MYO18B: variants seen among roughly 807,000 people sequenced by gnomAD.
MYO18B encodes the protein unconventional myosin-XVIIIb.
In MYO18B, 204 loss-of-function variants were observed where a neutral mutation model predicts 273.0. The observed-to-expected ratio is 0.75, with a 90% CI of 0.67 to 0.84. The LOEUF is 0.84. Ranked by LOEUF, MYO18B falls within the 40% of genes least tolerant of loss-of-function variation. The pLI is 0.00. For missense variants in MYO18B, 3,212 were observed against 3,287.6 expected (o/e 0.98, Z 0.56); for synonymous variants, 1,330 against 1,305.7 (o/e 1.02, Z -0.40).
intron 39 of MYO18B, among the ~76,000 whole-genome samples, chr22:25,968,831 G>C (rs1009798276): frequency 2.0e-5 from 3 of 152,102 alleles, no homozygotes; most frequent in Non-Finnish European, 1.5e-5. Context: ...AGCTCTTTCT[G>C]CTGAGACCCC....
intron 25 of MYO18B, among the ~76,000 whole-genome samples, chr22:25,881,024 ATGT>A (rs571330006): frequency 1.9e-3 from 292 of 152,362 alleles, no homozygotes; most frequent in African/African-American, 6.5e-3. Flanking sequence ...CTTGCTTATA[ATGT>A]TGTTTGGCTT....
chr22:25,976,356 A>G (rs1178112739), intron 39 of MYO18B, among the ~76,000 whole-genome samples: 1 of 152,186 alleles, frequency 6.6e-6, no homozygotes, highest in South Asian at 2.1e-4. Flanking sequence ...TGGACATTTC[A>G]ACCAATTCCA....
intron 40 of MYO18B, 127 bp from the exon 41 acceptor site, chr22:26,003,136 TCC>T: frequency 1.2e-6 from 1 of 803,838 alleles, no homozygotes; most frequent in East Asian, 2.7e-5. Context: ...GCAAGTGACT[TCC>T]CTGAGATCAC....
intron 25 of MYO18B, among the ~76,000 whole-genome samples, chr22:25,889,221 G>T (rs2091589806): frequency 6.6e-6 from 1 of 152,010 alleles, no homozygotes; most frequent in East Asian, 1.9e-4. Flanking sequence ...CCTTCTTCAT[G>T]GGACAGCTGA....
At chr22:25,742,518 G>A (rs1004568978) in intron 1 of MYO18B, among the ~76,000 whole-genome samples, 18 of 152,136 alleles carry the variant, frequency 1.2e-4, no homozygotes, top group Non-Finnish European at 2.6e-4. Flanking sequence ...AGAACAAAAT[G>A]CTGGGGCAAA....
At chr22:25,923,192 A>C (rs564419175) in intron 34 of MYO18B, among the ~76,000 whole-genome samples, 48 of 152,358 alleles carry the variant, frequency 3.2e-4, no homozygotes, top group Admixed American at 2.6e-4. Context: ...AAACTTGTTA[A>C]ACCAGAAGAC....
intron 9 of MYO18B, 34 bp from the exon 10 acceptor site, chr22:25,781,700 G>T (rs749060520): frequency 1.2e-5 from 17 of 1,445,668 alleles, no homozygotes; most frequent in Middle Eastern, 1.9e-4. Flanking sequence ...TGTACCCAAA[G>T]CACTGACTGG....
In MYO18B at chr22:26,027,657, G is replaced by A; in HGVS notation, c.7683G>A (p.Met2561Ile). ...GRKDDDVASI[M>I]KKYLQK ...AAGACGACGATGTTGCGAGCATAAT[G>A]AAGAAATACCTCCAGAAGTAGGAAC... The change falls in exon 43 of 44, where the codon ATG (methionine) becomes ATA (isoleucine). Residue 2561 changes from methionine (M) to isoleucine (I), a missense_variant. Coordinates refer to ENST00000335473, the MANE Select transcript of MYO18B (RefSeq NM_032608.7). The surrounding 1 kb of genome is among the most constrained non-coding windows in gnomAD (Gnocchi z 4.1). The A allele has an allele frequency of 6.2e-7, 1 of 1,612,620 alleles. No homozygotes were observed. Among genetic ancestry groups the A allele is most frequent in the Non-Finnish European group, 8.5e-7 (1 of 1,179,174 alleles).
chr22:25,958,432 G>C (rs1321917329), intron 39 of MYO18B, among the ~76,000 whole-genome samples: 1 of 152,130 alleles, frequency 6.6e-6, no homozygotes, highest in African/African-American at 2.4e-5. Flanking sequence ...CCAAATACTG[G>C]ATGTCCTAAA....
chr22:25,845,693 C>T (rs1161372360), intron 18 of MYO18B, among the ~76,000 whole-genome samples: 1 of 152,222 alleles, frequency 6.6e-6, no homozygotes, highest in Non-Finnish European at 1.5e-5. Flanking sequence ...TGAGTCATTC[C>T]TTCTTGCATG....
At chr22:26,063,629 A>G in the MYO18B span, among the ~76,000 whole-genome samples, 2 of 151,994 alleles carry the variant, frequency 1.3e-5, no homozygotes, top group African/African-American at 4.8e-5. Context: ...AGCTGACTCT[A>G]TTTCCCATTT....
At chr22:26,032,517 GTTTTT>G (rs869157490), downstream of MYO18B, among the ~76,000 whole-genome samples, 2 of 117,610 alleles carry the variant, frequency 1.7e-5, no homozygotes, top group African/African-American at 6.8e-5. Context: ...TAATCACCCT[GTTTTT>G]TTTTTTTTTT....
chr22:25,849,897 C>T (rs2090373123), intron 20 of MYO18B, among the ~76,000 whole-genome samples: 1 of 152,208 alleles, frequency 6.6e-6, no homozygotes, highest in South Asian at 2.1e-4. Context: ...GCATTTAATC[C>T]TCATAGTGAC....
chr22:25,786,441 A>G (rs926786418), intron 11 of MYO18B, among the ~76,000 whole-genome samples: 1 of 151,906 alleles, frequency 6.6e-6, no homozygotes, highest in East Asian at 1.9e-4. Context: ...CTCTTTTCAA[A>G]TATACATGTC....
the MYO18B span, among the ~76,000 whole-genome samples, chr22:26,048,760 G>A: frequency 6.6e-6 from 1 of 152,142 alleles, no homozygotes; most frequent in Admixed American, 6.5e-5. Flanking sequence ...ACGTATGCAT[G>A]CATGCGTCTT....
chr22:25,932,357 CCTTT>C (rs1184705304), intron 34 of MYO18B, among the ~76,000 whole-genome samples: 1 of 150,850 alleles, frequency 6.6e-6, no homozygotes, highest in Non-Finnish European at 1.5e-5. Context: ...TTCTTTCTTC[CCTTT>C]CTTTCTTTCC....
At chr22:25,888,926 G>C (rs968583406) in intron 25 of MYO18B, among the ~76,000 whole-genome samples, 1 of 152,054 alleles carries the variant, frequency 6.6e-6, no homozygotes, top group African/African-American at 2.4e-5. Flanking sequence ...AGCAGCCTCA[G>C]ATTTTGTTCA....
At chr22:25,781,619 A>AAAAAG (rs2145664011) in intron 9 of MYO18B, 115 bp from the exon 10 acceptor site, 2 of 479,048 alleles carry the variant, frequency 4.2e-6, no homozygotes, top group East Asian at 7.7e-5. Context: ...CAAAAAAAAA[A>AAAAAG]AAAAAAGAGT....
chr22:25,902,543 C>T, intron 29 of MYO18B, 70 bp from the exon 30 acceptor site: 4 of 1,527,906 alleles, frequency 2.6e-6, no homozygotes, highest in African/African-American at 1.4e-5. Flanking sequence ...CAGCCCCTCC[C>T]TGCCCCTGCC....
Sources: allele counts gnomAD v4.1 joint callset (sites outside exome capture counted in the v4.1 genomes callset), GRCh38; gene constraint gnomAD v4.1.1; non-coding constraint Gnocchi (gnomAD v3.1); transcripts MANE v1.5; gene names NCBI Gene and HGNC (gene_info 2026-07-23, HGNC 2026-07-21).